The following NEB variants were observed in gnomAD, a reference collection of about 807,000 sequenced individuals.
The protein encoded by NEB is nebulin, also known as nemaline myopathy type 2.
NEB carries 512 observed loss-of-function variants against 952.2 expected under a neutral mutation model. The observed-to-expected ratio is 0.54, with a 90% CI of 0.50 to 0.58. The LOEUF (loss-of-function observed/expected upper bound fraction) is 0.58. NEB is among the 20% of genes least tolerant of loss of function. The probability of loss-of-function intolerance (pLI) is 0.00; values close to 1 mark genes in which losing one functional copy is unlikely to be tolerated. For missense variants in NEB, 8,428 were observed against 9,231.1 expected (o/e 0.91, Z 3.56); for synonymous variants, 2,900 against 3,149.8 (o/e 0.92, Z 2.66).
At chr2:151,554,308 C>A (rs1577280049) in intron 125 of NEB, among the ~76,000 whole-genome samples, 1 of 152,232 alleles carries the variant, frequency 6.6e-6, no homozygotes, top group African/African-American at 2.4e-5. Flanking sequence ...CACCTGTAAT[C>A]CCAGCACTAT....
At position 151,674,488 on chromosome 2, in the gene NEB, T is replaced by C; in HGVS notation, c.3976A>G (p.Ile1326Val). 1 of 1,613,728 alleles carries C rather than the reference T, an allele frequency of 6.2e-7. No individual in the cohort carries two copies. Among genetic ancestry groups the C allele is most frequent in the Non-Finnish European group, 8.5e-7 (1 of 1,179,618 alleles). Reference sequence around the variant, plus strand: ...AAATTTGTACTCACATCACTGGCAATGTTTCTCGATGCCTTGGCTGCAGTG... The same window carrying C: ...AAATTTGTACTCACATCACTGGCAACGTTTCTCGATGCCTTGGCTGCAGTG... ...PITAAKASRN[I>V]ASDYKYKEAY... Residue 1326 changes from isoleucine (I) to valine (V), a missense_variant, in exon 36 of 182, where the codon ATT becomes GTT. Around this residue, in one of 11 missense-constraint regions of NEB, gnomAD observed 2,851 missense variants for 2,791.5 expected, o/e 1.02. Coordinates refer to ENST00000397345, the MANE Select transcript of NEB (RefSeq NM_001164508.2).
At position 151,672,522 on chromosome 2, in the gene NEB, A is replaced by G; in HGVS notation, c.4146T>C (p.His1382=). 6.2e-7 allele frequency: 1 copy of G among 1,614,016 alleles called. No individual in the cohort carries two copies. The highest frequency in any genetic ancestry group is 8.5e-7 in the Non-Finnish European group (1 of 1,179,890). ...KNYENTKTSY[H]TPGDMVSITA... ...TGATGCTAACCATGTCCCCAGGGGT[A>G]TGGTAGCTGGTTTTGGTGTTCTCAT... Residue 1382 remains histidine (H), a synonymous_variant, in exon 37 of 182, where the codon CAT becomes CAC. Transcript: ENST00000397345.
chr2:151,729,829 A>G lies in NEB; in HGVS notation c.37-173T>C, dbSNP rs374968999. On this transcript the variant is annotated intron_variant, in intron 3 of 181. Transcript: ENST00000397345. ...TTTTGGAACCCATCTTCACTTTGTA[A>G]TACTTCAGGAAAGCTAAAGTGAATG... 2.0e-5 allele frequency among the ~76,000 whole-genome samples: 3 copies of G among 152,222 alleles called. No individual in the cohort carries two copies. The South Asian group carries it at 6.2e-4, about 32-fold the overall frequency.
intron 34 of NEB, among the ~76,000 whole-genome samples, chr2:151,676,316 C>T (rs941664450): frequency 6.6e-6 from 1 of 152,216 alleles, no homozygotes; most frequent in African/African-American, 2.4e-5. Context: ...AGCTCCTTCT[C>T]TGCCATTGCT....
chr2:151,491,095 A>G (rs2056231967), intron 179 of NEB: 1 of 153,378 alleles, frequency 6.5e-6, no homozygotes, highest in Non-Finnish European at 1.4e-5. Flanking sequence ...CAGTGGTACA[A>G]TCACGGCTCA....
intron 166 of NEB, 31 bp downstream of exon 166, chr2:151,503,318 A>G (rs1559302040): frequency 6.7e-6 from 10 of 1,488,710 alleles, no homozygotes; most frequent in Non-Finnish European, 7.5e-6. Context: ...TTTATGGGAA[A>G]TAGTTTCTTA....
rs370108917 is a variant in NEB, at chr2:151,506,955, G to A, written c.23510C>T (p.Thr7837Met). 57 of 1,611,440 alleles carry A rather than the reference G, an allele frequency of 3.5e-5. 1 individual carries two copies. The highest frequency in any genetic ancestry group is 1.7e-4 in the Middle Eastern group (1 of 5,860). The change falls in exon 163 of 182, where the codon ACG (threonine) becomes ATG (methionine). Residue 7837 changes from threonine to methionine, a missense_variant. This residue lies in a region of NEB where 3,374 missense variants were observed against 3,651.5 expected (regional missense o/e 0.92). Coordinates refer to ENST00000397345, the MANE Select transcript of NEB (RefSeq NM_001164508.2). ...SKGKITVVQD[T>M]PEILRVKENQ... The stretch of plus-strand genomic sequence containing the variant: ...TTCTTTTACACGCAGTATTTCTGGC[G>A]TGTCTTGAACAACTGTAATTTTTCC...
intron 13 of NEB, among the ~76,000 whole-genome samples, chr2:151,700,824 A>G (rs1199705210): frequency 1.7e-4 from 22 of 130,048 alleles, no homozygotes; most frequent in Admixed American, 9.7e-4. Context: ...GGACAATTTG[A>G]CTTCCTCTTT....
rs996470894 is a variant in NEB, at chr2:151,540,925, G to C, written c.20683-124C>G. The C allele has an allele frequency of 3.8e-6, 3 of 784,428 alleles. No homozygotes were observed. In the African/African-American group the frequency reaches 5.2e-5, roughly 14 times the overall value. The allele number at this position is 784,428 out of a possible 1,614,324, so 48.6% of individuals were successfully genotyped here. On this transcript the variant is annotated intron_variant, in intron 136 of 181. Transcript: ENST00000397345. ...GTATCTGCTTACTGTCCTGATGTTT[G>C]TTTGCTTGTTTTTTTGTTATATGCG...
rs187231245 is a variant in NEB, at chr2:151,488,754, A to G, written c.25404+1217T>C. ...AGTTTATGCTTTGAGATGGGTATCTAATTTTATTATTTTACTAAATAGATA... is the reference window on the plus strand; with the variant it reads ...AGTTTATGCTTTGAGATGGGTATCTGATTTTATTATTTTACTAAATAGATA... On this transcript the variant is annotated intron_variant, in intron 181 of 181. Transcript: ENST00000397345. Among the ~76,000 whole-genome samples, 322 of 152,284 alleles carry G rather than the reference A, an allele frequency of 2.1e-3. 5 individuals are homozygous for G. The highest frequency in any genetic ancestry group is 0.019 in the Admixed American group (289 of 15,294).
intron 148 of NEB, among the ~76,000 whole-genome samples, chr2:151,526,551 C>T (rs2086139349): frequency 6.6e-6 from 1 of 152,148 alleles, no homozygotes; most frequent in South Asian, 2.1e-4. Context: ...CCTCCATGAG[C>T]CCATTATTAT....
At chr2:151,607,181 G>A (rs2097736220) in intron 83 of NEB, among the ~76,000 whole-genome samples, 1 of 103,184 alleles carries the variant, frequency 9.7e-6, no homozygotes, top group South Asian at 2.9e-4. Flanking sequence ...CTTTCTTATG[G>A]CCTTGAAATG....
Position 151,672,528 on chromosome 2 carries a change from G to A in NEB, c.4140C>T (p.Ser1380=), listed in dbSNP as rs745891821. 12 of 1,614,004 alleles carry A rather than the reference G, an allele frequency of 7.4e-6. No homozygotes were observed. The highest frequency in any genetic ancestry group is 1.0e-5 in the Non-Finnish European group (12 of 1,179,892). Reference sequence around the variant, plus strand: ...TAACCATGTCCCCAGGGGTATGGTAGCTGGTTTTGGTGTTCTCATAGTTCT... The same window carrying A: ...TAACCATGTCCCCAGGGGTATGGTAACTGGTTTTGGTGTTCTCATAGTTCT... The part of the protein sequence containing the change: ...YKKNYENTKT[S]YHTPGDMVSI... The change falls in exon 37 of 182, where the codon AGC becomes AGT. Residue 1380 remains serine (S), a synonymous_variant. Transcript: ENST00000397345.
chr2:151,566,316 C>A (rs886676735), intron 114 of NEB, among the ~76,000 whole-genome samples: 1 of 152,134 alleles, frequency 6.6e-6, no homozygotes, highest in African/African-American at 2.4e-5. Context: ...CTTGCCCTTA[C>A]GCCTTCAAGA....
At chr2:151,501,256 CAG>C (rs1458324849) in intron 168 of NEB, 133 bp downstream of exon 168, 4 of 553,636 alleles carry the variant, frequency 7.2e-6, no homozygotes, top group African/African-American at 3.8e-5. Flanking sequence ...ATCTGGAAAA[CAG>C]AAGGATTCAG....
Position 151,485,965 on chromosome 2 carries a change from A to G in NEB, c.25405-32T>C, listed in dbSNP as rs796213500. ...GTGGGGATGGAAAAGGGGAAATATT[A>G]TATGTTGGATTTGCAACAGTTAACA... On this transcript the variant is annotated intron_variant, in intron 181 of 181. Coordinates refer to ENST00000397345, the MANE Select transcript of NEB (RefSeq NM_001164508.2). 5.6e-6 allele frequency: 9 copies of G among 1,606,576 alleles called. No individual in the cohort carries two copies. The African/African-American group carries it at 1.1e-4, about 19-fold the overall frequency.
chr2:151,671,819 T>C (rs1483664257), intron 37 of NEB, among the ~76,000 whole-genome samples: 1 of 152,184 alleles, frequency 6.6e-6, no homozygotes, highest in Non-Finnish European at 1.5e-5. Flanking sequence ...CAGAGGACAA[T>C]TCTAACAGAA....
chr2:151,493,148 A>G, intron 176 of NEB: 1 of 520,934 alleles, frequency 1.9e-6, no homozygotes, highest in Non-Finnish European at 3.4e-6. Flanking sequence ...ATGTAAAAGC[A>G]CAGTTAATGT....
chr2:151,684,318 A>G (rs2099468151), intron 28 of NEB, among the ~76,000 whole-genome samples: 1 of 152,222 alleles, frequency 6.6e-6, no homozygotes, highest in Non-Finnish European at 1.5e-5. Context: ...ATCTGCAGAA[A>G]AAACCGTTAT....
Sources: allele counts gnomAD v4.1 joint callset (sites outside exome capture counted in the v4.1 genomes callset), GRCh38; gene constraint gnomAD v4.1.1; regional missense constraint gnomAD v4.1.1; transcripts MANE v1.5; gene names NCBI Gene and HGNC (gene_info 2026-07-23, HGNC 2026-07-21).